The following RARB variants were observed in gnomAD, a reference collection of about 807,000 sequenced individuals.
RARB encodes retinoic acid receptor beta.
In RARB, 17 loss-of-function variants were observed where a neutral mutation model predicts 51.9. The ratio of observed to expected loss-of-function variants is 0.33; its 90% CI spans 0.22 to 0.49. RARB has a LOEUF of 0.49. Ranked by LOEUF, RARB falls within the 20% of genes least tolerant of loss-of-function variation. The probability of loss-of-function intolerance (pLI) is 0.99; values close to 1 mark genes in which losing one functional copy is unlikely to be tolerated. For missense variants in RARB, 369 were observed against 550.8 expected (o/e 0.67, Z 3.30); for synonymous variants, 215 against 195.4 (o/e 1.10, Z -0.84).
chr3:25,428,537 T>A lies in RARB; in HGVS notation c.-195T>A. On this transcript the variant is annotated 5_prime_UTR_variant, in exon 1 of 8. An upstream start codon of the reference 5' UTR is lost. Transcript: ENST00000330688. ...CCGAGCAAGCCTGGAAAATGGTAAA[T>A]GATCATTTGGATCAATTACAGGCTT... The A allele has an allele frequency of 3.1e-6, 4 of 1,277,470 alleles. No homozygotes were observed. Among genetic ancestry groups the A allele is most frequent in the Non-Finnish European group, 4.0e-6 (4 of 1,011,320 alleles). The allele number at this position is 1,277,470 out of a possible 1,614,324, so 79.1% of individuals were successfully genotyped here.
In RARB at chr3:24,983,836, C is replaced by G. The variant is rs948707194; in HGVS notation, c.-379-76289C>G. Among the ~76,000 whole-genome samples, 3 of 151,798 alleles carry G rather than the reference C, an allele frequency of 2.0e-5. No homozygotes were observed. In the South Asian group the frequency reaches 6.3e-4, roughly 32 times the overall value. ...GCAGGGGGGAGAGGGAGTTCTTTAC[C>G]TAAGTATTAATATAAGATACTAAAA... On this transcript the variant is annotated intron_variant, in intron 2 of 11. Transcript: ENST00000383772.
chr3:25,521,294 C>T (rs1698391053), intron 3 of RARB, among the ~76,000 whole-genome samples: 1 of 152,194 alleles, frequency 6.6e-6, no homozygotes, highest in African/African-American at 2.4e-5. Context: ...CTAAAAGATA[C>T]AACCATCTTT....
chr3:24,934,770 T>C (rs1695515501), intron 2 of RARB, among the ~76,000 whole-genome samples: 1 of 152,170 alleles, frequency 6.6e-6, no homozygotes, highest in African/African-American at 2.4e-5. Context: ...CCAAGTTTTT[T>C]ATTGAGAAAT....
At chr3:25,215,524 C>G (rs1276419555) in intron 5 of RARB, among the ~76,000 whole-genome samples, 5 of 152,124 alleles carry the variant, frequency 3.3e-5, no homozygotes, top group Non-Finnish European at 7.3e-5. Context: ...TGTATTGCCT[C>G]TCCAGACAGG....
chr3:25,395,666 T>G (rs1348839503), intron 5 of RARB, among the ~76,000 whole-genome samples: 10 of 152,196 alleles, frequency 6.6e-5, no homozygotes, highest in Admixed American at 6.5e-4. Flanking sequence ...TCTGAAGTTC[T>G]TTCTTCTACT....
intron 4 of RARB, among the ~76,000 whole-genome samples, chr3:25,134,436 C>G (rs925957834): frequency 1.3e-5 from 2 of 151,784 alleles, no homozygotes; most frequent in Non-Finnish European, 2.9e-5. Flanking sequence ...TTTAAGTAAA[C>G]CTTTTCTGGG....
At chr3:25,291,734 C>G (rs919437883) in intron 5 of RARB, among the ~76,000 whole-genome samples, 5 of 151,988 alleles carry the variant, frequency 3.3e-5, no homozygotes, top group African/African-American at 1.2e-4. Flanking sequence ...GAAAGTCAGC[C>G]TTTTCTTCAG....
At chr3:25,503,931 C>A (rs923069391) in intron 3 of RARB, among the ~76,000 whole-genome samples, 1 of 152,206 alleles carries the variant, frequency 6.6e-6, no homozygotes, top group Non-Finnish European at 1.5e-5. Context: ...ACACGGTTCT[C>A]CCAGCAGTCC....
chr3:25,017,144 G>A (rs372790799), intron 2 of RARB, among the ~76,000 whole-genome samples: 16 of 152,032 alleles, frequency 1.1e-4, no homozygotes, highest in Admixed American at 1.0e-3. Context: ...TCCTGTCATT[G>A]TTGGAAAACG....
At position 25,376,737 on chromosome 3, in the gene RARB, G is replaced by A. The variant is rs115552627; in HGVS notation, c.179-84456G>A. Among the ~76,000 whole-genome samples, 379 of 152,312 alleles carry A rather than the reference G, an allele frequency of 2.5e-3. 1 individual carries two copies. Among genetic ancestry groups the A allele is most frequent in the African/African-American group, 8.9e-3 (369 of 41,570 alleles). On this transcript the variant is annotated intron_variant, in intron 5 of 11. Coordinates refer to the RARB transcript ENST00000383772. ...ATGGTATCAGGCTATCCCAAGAATT[G>A]TTTGGCTCATTGCATCCATGTGGAT...
intron 3 of RARB, among the ~76,000 whole-genome samples, chr3:25,568,673 A>C (rs1700590560): frequency 6.6e-6 from 1 of 152,098 alleles, no homozygotes; most frequent in Admixed American, 6.5e-5. Context: ...TAGGGAGGCA[A>C]CTCAGGCCAG....
At chr3:24,910,114 T>A (rs959980165) in intron 2 of RARB, among the ~76,000 whole-genome samples, 3 of 152,180 alleles carry the variant, frequency 2.0e-5, no homozygotes, top group African/African-American at 7.2e-5. Flanking sequence ...TGGCAAAGGA[T>A]TTGAACCTCA....
rs539622989 is a variant in RARB, at chr3:25,225,836, T to TA, written c.178+51267dup. Among the ~76,000 whole-genome samples, 14 of 152,256 alleles carry TA rather than the reference T, an allele frequency of 9.2e-5. No individual in the cohort carries two copies. In the South Asian group the frequency reaches 2.3e-3, roughly 25 times the overall value. ...CATGATGATATCTTTGATTGGACCT[T>TA]AAAAAAGGGAAGTTAGAGTTGAGCA... On this transcript the variant is annotated intron_variant, in intron 5 of 11. Coordinates refer to the RARB transcript ENST00000383772.
intron 5 of RARB, among the ~76,000 whole-genome samples, chr3:25,223,973 A>T (rs1236680347): frequency 6.6e-6 from 1 of 152,212 alleles, no homozygotes; most frequent in East Asian, 1.9e-4. Context: ...TGAGTTATAC[A>T]TGCTCTTCAG....
intron 1 of RARB, among the ~76,000 whole-genome samples, chr3:24,842,698 A>C (rs1202954948): frequency 6.6e-6 from 1 of 152,044 alleles, no homozygotes; most frequent in East Asian, 1.9e-4. Context: ...CTCTATACCC[A>C]TTTTCTTTAA....
At chr3:24,949,554 T>TA (rs1200894084) in intron 2 of RARB, among the ~76,000 whole-genome samples, 1 of 152,244 alleles carries the variant, frequency 6.6e-6, no homozygotes, top group African/African-American at 2.4e-5. Flanking sequence ...TTAGAAAATT[T>TA]AAAACAAAAA....
At chr3:25,244,178 G>A (rs768543204) in intron 5 of RARB, among the ~76,000 whole-genome samples, 4 of 151,450 alleles carry the variant, frequency 2.6e-5, no homozygotes, top group Non-Finnish European at 5.9e-5. Flanking sequence ...ATTTTTTATT[G>A]TGTCTATTCG....
At chr3:25,405,418 C>T (rs796760579) in intron 5 of RARB, among the ~76,000 whole-genome samples, 17 of 152,226 alleles carry the variant, frequency 1.1e-4, no homozygotes, top group Admixed American at 3.9e-4. Context: ...TACTTGCAAA[C>T]GTATTATAAG....
chr3:25,120,277 C>T (rs527390967), intron 3 of RARB, among the ~76,000 whole-genome samples: 4 of 152,084 alleles, frequency 2.6e-5, no homozygotes, highest in South Asian at 4.2e-4. Flanking sequence ...AGAGTAGTGA[C>T]GACTGTAAAA....
Sources: gnomAD v4.1 joint callset for allele counts (sites outside exome capture counted in the v4.1 genomes callset) on GRCh38, gnomAD v4.1.1 for gene constraint, MANE v1.5 for transcripts, NCBI Gene and HGNC (gene_info 2026-07-23, HGNC 2026-07-21) for gene names.